The following WARS2 variants were observed in gnomAD, a reference collection of about 807,000 sequenced individuals.
WARS2 encodes tryptophan--tRNA ligase, mitochondrial.
A neutral mutation model predicts 36.5 loss-of-function variants in WARS2; 28 were observed. That is an observed-to-expected ratio of 0.77 (90% CI 0.57 to 1.05). WARS2 has a LOEUF of 1.05. WARS2 is among the 50% of genes least tolerant of loss of function. The pLI, the probability that WARS2 is intolerant of heterozygous loss-of-function variation, is 0.00. For synonymous variants in WARS2, 174 were observed against 178.4 expected, an observed-to-expected ratio of 0.98 and a Z score of 0.20; for missense variants, 435 against 456.8, an observed-to-expected ratio of 0.95 and a Z score of 0.44.
chr1:119,126,832 T>C (rs772734414), intron 1 of WARS2: 8 of 754,734 alleles, frequency 1.1e-5, no homozygotes, highest in Non-Finnish European at 1.9e-5. Flanking sequence ...ATTTCCATCA[T>C]CTTCTTCCAG....
At chr1:119,117,279 C>G (rs1655033024) in intron 1 of WARS2, among the ~76,000 whole-genome samples, 1 of 152,108 alleles carries the variant, frequency 6.6e-6, no homozygotes, top group African/African-American at 2.4e-5. Flanking sequence ...GCAAGCCCCA[C>G]CTAAGGAGAG....
intron 1 of WARS2, among the ~76,000 whole-genome samples, chr1:119,116,940 A>T (rs1018510540): frequency 6.6e-6 from 1 of 152,186 alleles, no homozygotes; most frequent in African/African-American, 2.4e-5. Context: ...GCAGATACAA[A>T]CACAGAAGTC....
intron 4 of WARS2, among the ~76,000 whole-genome samples, chr1:119,039,410 T>C (rs775446585): frequency 1.1e-4 from 17 of 151,876 alleles, no homozygotes; most frequent in Non-Finnish European, 2.1e-4. Context: ...ATAACACATA[T>C]ACATACACAC....
chr1:119,136,384 G>T (rs587692502), intron 1 of WARS2, among the ~76,000 whole-genome samples: 93 of 152,292 alleles, frequency 6.1e-4, no homozygotes, highest in Non-Finnish European at 1.2e-3. Context: ...ATATTGCAAA[G>T]AATTTAAATA....
intron 2 of WARS2, among the ~76,000 whole-genome samples, chr1:119,053,049 T>C (rs914235503): frequency 6.6e-6 from 1 of 152,116 alleles, no homozygotes; most frequent in African/African-American, 2.4e-5. Context: ...GAGATGCCTC[T>C]CCCACAGGAG....
At chr1:119,059,313 G>C (rs1650166610) in intron 2 of WARS2, among the ~76,000 whole-genome samples, 1 of 151,770 alleles carries the variant, frequency 6.6e-6, no homozygotes, top group Admixed American at 6.6e-5. Flanking sequence ...AGTTTAATTA[G>C]ATCCCATTTG....
At chr1:119,105,999 C>T (rs1428156293) in intron 1 of WARS2, among the ~76,000 whole-genome samples, 2 of 151,934 alleles carry the variant, frequency 1.3e-5, no homozygotes, top group Non-Finnish European at 2.9e-5. Context: ...TAAATATTGA[C>T]TATTGGATTT....
At chr1:119,131,898 G>A (rs879596755) in intron 1 of WARS2, among the ~76,000 whole-genome samples, 4 of 152,116 alleles carry the variant, frequency 2.6e-5, no homozygotes, top group African/African-American at 7.2e-5. Context: ...TCTAGGGGGT[G>A]TGGTGGGGGG....
At chr1:119,082,446 T>C (rs587606521) in intron 1 of WARS2, 3 of 985,436 alleles carry the variant, frequency 3.0e-6, no homozygotes, top group East Asian at 1.1e-4. Flanking sequence ...CTTCATCTCA[T>C]GTAGTGAAGG....
At chr1:119,116,896 A>G (rs1655008460) in intron 1 of WARS2, among the ~76,000 whole-genome samples, 1 of 152,222 alleles carries the variant, frequency 6.6e-6, no homozygotes, top group Non-Finnish European at 1.5e-5. Context: ...AGTAGAATCC[A>G]GGGCAGAGGA....
At chr1:119,098,220 A>G (rs1346902191) in intron 1 of WARS2, among the ~76,000 whole-genome samples, 2 of 151,926 alleles carry the variant, frequency 1.3e-5, no homozygotes, top group African/African-American at 4.8e-5. Context: ...CTGCACTCCA[A>G]CCAGGGCAGC....
chr1:119,097,953 G>C (rs969612930), intron 1 of WARS2, among the ~76,000 whole-genome samples: 2 of 152,044 alleles, frequency 1.3e-5, no homozygotes, highest in Admixed American at 6.6e-5. Flanking sequence ...TATCCCAGCT[G>C]GCCATCTTTC....
intron 1 of WARS2, among the ~76,000 whole-genome samples, chr1:119,107,722 G>A (rs1336972471): frequency 1.3e-5 from 2 of 151,916 alleles, no homozygotes; most frequent in African/African-American, 4.8e-5. Context: ...CCAGCACAAT[G>A]TTGAAAAGGG....
intron 1 of WARS2, among the ~76,000 whole-genome samples, chr1:119,103,907 TA>T (rs756690554): frequency 2.9e-4 from 44 of 150,956 alleles, no homozygotes; most frequent in Non-Finnish European, 6.2e-4. Context: ...TTCTTTTAAT[TA>T]AAAAGGAAAA....
intron 4 of WARS2, among the ~76,000 whole-genome samples, chr1:119,036,508 A>G (rs1030613122): frequency 1.4e-4 from 22 of 152,282 alleles, no homozygotes; most frequent in African/African-American, 4.3e-4. Flanking sequence ...GGTCACCTTG[A>G]CGCCCCCAAG....
intron 2 of WARS2, chr1:119,047,608 A>C (rs112878678): frequency 5.3e-5 from 8 of 152,358 alleles, no homozygotes; most frequent in South Asian, 2.1e-4. Flanking sequence ...AATTTTTTAC[A>C]ATTCATTTTT....
chr1:119,066,475 C>G (rs868649929), intron 2 of WARS2, among the ~76,000 whole-genome samples: 6 of 93,536 alleles, frequency 6.4e-5, no homozygotes, highest in Non-Finnish European at 9.5e-5. Context: ...GAGGCTCTGT[C>G]TCAAAAAAAA....
intron 1 of WARS2, among the ~76,000 whole-genome samples, chr1:119,137,988 G>A (rs1479747154): frequency 6.6e-6 from 1 of 152,184 alleles, no homozygotes; most frequent in South Asian, 2.1e-4. Flanking sequence ...ACATAGCACT[G>A]TTATGGCTCA....
At chr1:119,119,565 A>C (rs1655203916) in intron 1 of WARS2, among the ~76,000 whole-genome samples, 1 of 152,172 alleles carries the variant, frequency 6.6e-6, no homozygotes, top group African/African-American at 2.4e-5. Context: ...AACTGACTTA[A>C]CAGATATTTA....
Sources: allele counts gnomAD v4.1 joint callset (sites outside exome capture counted in the v4.1 genomes callset), GRCh38; gene constraint gnomAD v4.1.1; transcripts MANE v1.5; gene names NCBI Gene and HGNC (gene_info 2026-07-23, HGNC 2026-07-21).